Variants in NAALADL2 observed in about 807,000 individuals in gnomAD.
NAALADL2 encodes inactive N-acetylated-alpha-linked acidic dipeptidase-like protein 2.
A neutral mutation model predicts 87.2 loss-of-function variants in NAALADL2; 76 were observed. That is an observed-to-expected ratio of 0.87 (90% confidence interval 0.72 to 1.05). The LOEUF (loss-of-function observed/expected upper bound fraction) is 1.05. Among genes scored for constraint, NAALADL2 ranks in the 50% least tolerant of loss-of-function variants. The pLI is 0.00. For synonymous variants in NAALADL2, 354 were observed against 331.0 expected (o/e 1.07, Z -0.75); for missense variants, 1,089 against 945.8 (o/e 1.15, Z -1.99).
chr3:175,718,195 G>GTGTT, intron 11 of NAALADL2: 13 of 822,732 alleles, frequency 1.6e-5, no homozygotes, highest in Non-Finnish European at 1.8e-5. Flanking sequence ...AGGGCCTGTG[G>GTGTT]TTTTTTTTTT....
chr3:174,776,555 C>A (rs1029439330), intron 3 of NAALADL2, among the ~76,000 whole-genome samples: 10 of 152,082 alleles, frequency 6.6e-5, no homozygotes, highest in Non-Finnish European at 7.4e-5. Context: ...AATTAGGAAA[C>A]TAATCTGTAC....
rs923869042 is a variant in NAALADL2, at chr3:175,349,669, A to T, written c.1090+25344A>T. Among the ~76,000 whole-genome samples the T allele has an allele frequency of 7.9e-5, 12 of 152,134 alleles. 1 individual carries two copies. Among genetic ancestry groups the T allele is most frequent in the Admixed American group, 2.0e-4 (3 of 15,256 alleles). The stretch of plus-strand genomic sequence containing the variant: ...TAGAAGGTGAGAAAATGTGAACTAC[A>T]GAAAGTTTGAGGAGACTGATACTCA... On this transcript the variant is annotated intron_variant, in intron 5 of 13. Transcript: ENST00000454872.
At position 174,718,043 on chromosome 3, in the gene NAALADL2, C is replaced by A. The variant is rs967449647; in HGVS notation, c.-114-19598C>A. On this transcript the variant is annotated intron_variant, in intron 2 of 3. Transcript: ENST00000434257. Reference sequence around the variant, plus strand: ...ACTTGGGAGGCTGAAGCAGAAGAATCGCTTGAACTGGGGAGGTGGAGGTTG... The same window carrying A: ...ACTTGGGAGGCTGAAGCAGAAGAATAGCTTGAACTGGGGAGGTGGAGGTTG... 5.9e-5 allele frequency among the ~76,000 whole-genome samples: 9 copies of A among 152,062 alleles called. No homozygotes were observed. The South Asian group carries it at 1.9e-3, about 32-fold the overall frequency.
At chr3:174,761,722 C>T (rs1040587287) in intron 3 of NAALADL2, among the ~76,000 whole-genome samples, 2 of 151,094 alleles carry the variant, frequency 1.3e-5, no homozygotes, top group Non-Finnish European at 1.5e-5. Context: ...CCCATTAACT[C>T]GTCATTTAGC....
chr3:175,785,197 A>G (rs959755866), intron 13 of NAALADL2, among the ~76,000 whole-genome samples: 47 of 149,352 alleles, frequency 3.1e-4, no homozygotes, highest in African/African-American at 1.1e-3. Flanking sequence ...TGGGGTGGAG[A>G]GTTCTGTAGA....
At chr3:174,609,680 G>A (rs112359891) in intron 2 of NAALADL2, among the ~76,000 whole-genome samples, 51,967 of 151,956 alleles carry the variant, frequency 0.34, 10,104 homozygotes, top group Middle Eastern at 0.46. Flanking sequence ...CAAAGAAATG[G>A]AGGAACATTC....
intron 1 of NAALADL2, among the ~76,000 whole-genome samples, chr3:174,548,966 G>A (rs1051255650): frequency 1.2e-4 from 18 of 152,154 alleles, no homozygotes; most frequent in African/African-American, 3.6e-4. Context: ...TCAGCCTCCC[G>A]AGTAGCTGGG....
At chr3:174,771,412 A>T (rs2109109139) in intron 3 of NAALADL2, among the ~76,000 whole-genome samples, 1 of 152,304 alleles carries the variant, frequency 6.6e-6, no homozygotes. Context: ...ACAGAAGTGC[A>T]GTACTAGGGA....
chr3:175,465,473 C>CTTTTTTTTTTTTTTTTTTTTT lies in NAALADL2; in HGVS notation c.1328-1487_1328-1486insTTTTTTTTTTTTTTTTTTTTT, dbSNP rs71164634. Among the ~76,000 whole-genome samples, 140 of 106,732 alleles carry CTTTTTTTTTTTTTTTTTTTTT rather than the reference C, an allele frequency of 1.3e-3. 6 individuals are homozygous for CTTTTTTTTTTTTTTTTTTTTT. Among genetic ancestry groups the CTTTTTTTTTTTTTTTTTTTTT allele is most frequent in the East Asian group, 6.2e-3 (19 of 3,050 alleles). The allele number at this position is 106,732 out of a possible 152,430, so 70.0% of individuals were successfully genotyped here. A position where few individuals can be genotyped will look rare whatever the true frequency, so the allele number is the denominator to read the frequency against. On this transcript the variant is annotated intron_variant, in intron 7 of 13. Transcript: ENST00000454872. ...ACACTATGTATACCATGAATTAAATCTTTTTTTTTTTTTTTTTTTGAGATG... is the reference window on the plus strand; with the variant it reads ...ACACTATGTATACCATGAATTAAATCTTTTTTTTTTTTTTTTTTTTTTTTTTTTTTTTTTTTTTTTGAGATG...
At chr3:175,249,163 A>G (rs553089133) in intron 3 of NAALADL2, among the ~76,000 whole-genome samples, 1 of 152,064 alleles carries the variant, frequency 6.6e-6, no homozygotes, top group South Asian at 2.1e-4. Flanking sequence ...AAAAGTTTTC[A>G]TTTATTTATT....
chr3:174,472,402 T>A (rs1223299392), intron 1 of NAALADL2, among the ~76,000 whole-genome samples: 1 of 152,194 alleles, frequency 6.6e-6, no homozygotes, highest in Non-Finnish European at 1.5e-5. Flanking sequence ...AAGATGGCCC[T>A]GGGAACAGTA....
chr3:174,628,667 TA>T (rs1392698235), intron 2 of NAALADL2, among the ~76,000 whole-genome samples: 1 of 152,150 alleles, frequency 6.6e-6, no homozygotes, highest in Non-Finnish European at 1.5e-5. Context: ...ACAGAGCTAT[TA>T]TTGTTTCCTC....
intron 2 of NAALADL2, among the ~76,000 whole-genome samples, chr3:174,592,220 A>G (rs999996697): frequency 5.3e-5 from 8 of 149,620 alleles, no homozygotes; most frequent in African/African-American, 1.7e-4. Flanking sequence ...TTATTTATTT[A>G]TTTATTTTTG....
At chr3:174,496,510 T>TTATATATATA (rs5854577) in intron 1 of NAALADL2, among the ~76,000 whole-genome samples, 1 of 145,736 alleles carries the variant, frequency 6.9e-6, no homozygotes, top group African/African-American at 2.5e-5. Flanking sequence ...TATTTATATA[T>TTATATATATA]TATATATATA....
At chr3:175,737,714 G>GTTTTTTTTTTTTTTTTTTTTTT (rs71164650) in intron 12 of NAALADL2, among the ~76,000 whole-genome samples, 1 of 54,738 alleles carries the variant, frequency 1.8e-5, no homozygotes, top group African/African-American at 8.2e-5. Flanking sequence ...CAATGATCCA[G>GTTTTTTTTTTTTTTTTTTTTTT]TTTTTTTTTT....
At chr3:174,815,624 A>G (rs1227136301) in intron 3 of NAALADL2, among the ~76,000 whole-genome samples, 1 of 152,152 alleles carries the variant, frequency 6.6e-6, no homozygotes, top group Non-Finnish European at 1.5e-5. Flanking sequence ...TTATAAGGAT[A>G]ACAGTTACAT....
intron 2 of NAALADL2, among the ~76,000 whole-genome samples, chr3:174,609,562 C>G (rs886966729): frequency 1.3e-5 from 2 of 152,084 alleles, no homozygotes; most frequent in Non-Finnish European, 2.9e-5. Flanking sequence ...CTCCCATTCA[C>G]AATTGCTTCA....
At chr3:174,634,654 T>C (rs573324438) in intron 2 of NAALADL2, among the ~76,000 whole-genome samples, 99 of 152,304 alleles carry the variant, frequency 6.5e-4, no homozygotes, top group African/African-American at 2.2e-3. Context: ...GTATATTATA[T>C]GGTCTGTAGG....
chr3:175,704,843 C>T (rs1234666788), intron 11 of NAALADL2, among the ~76,000 whole-genome samples: 2 of 152,068 alleles, frequency 1.3e-5, no homozygotes, highest in East Asian at 1.9e-4. Context: ...TCTTTGAAGT[C>T]CAGGGTCTGT....
Sources: gnomAD v4.1 joint callset for allele counts (sites outside exome capture counted in the v4.1 genomes callset) on GRCh38, gnomAD v4.1.1 for gene constraint, MANE v1.5 for transcripts, NCBI Gene and HGNC (gene_info 2026-07-23, HGNC 2026-07-21) for gene names.